DDR2: variants seen among roughly 807,000 people sequenced by gnomAD.
DDR2 encodes the protein discoidin domain receptor tyrosine kinase 2.
DDR2 carries 27 observed loss-of-function variants against 94.9 expected under a neutral mutation model. The ratio of observed to expected loss-of-function variants is 0.28; its 90% CI spans 0.21 to 0.39. DDR2 has a LOEUF of 0.39. Among genes scored for constraint, DDR2 ranks in the 10% least tolerant of loss-of-function variants. The pLI, the probability that DDR2 is intolerant of heterozygous loss-of-function variation, is 1.00. For synonymous variants in DDR2, 382 were observed against 377.2 expected (o/e 1.01, Z -0.15); for missense variants, 783 against 1,076.0 (o/e 0.73, Z 3.81).
At chr1:162,649,972 T>C (rs984758227) in intron 1 of DDR2, among the ~76,000 whole-genome samples, 2 of 152,240 alleles carry the variant, frequency 1.3e-5, no homozygotes, top group Non-Finnish European at 1.5e-5. Context: ...GAACCATTTT[T>C]AAGTTGACCT....
intron 3 of DDR2, among the ~76,000 whole-genome samples, chr1:162,740,488 A>T (rs910181805): frequency 1.3e-5 from 2 of 152,188 alleles, no homozygotes; most frequent in Non-Finnish European, 2.9e-5. Flanking sequence ...TGCATAAACC[A>T]TCATCCCTGC....
intron 1 of DDR2, among the ~76,000 whole-genome samples, chr1:162,652,008 T>A (rs1657716996): frequency 6.6e-6 from 1 of 152,222 alleles, no homozygotes; most frequent in Non-Finnish European, 1.5e-5. Context: ...GGGAAGGGTG[T>A]TATCTTTCCT....
At chr1:162,701,110 G>A (rs1291664919) in intron 2 of DDR2, among the ~76,000 whole-genome samples, 1 of 150,452 alleles carries the variant, frequency 6.6e-6, no homozygotes, top group African/African-American at 2.4e-5. Context: ...ACTAATATAT[G>A]TTTGTAGGTT....
chr1:162,658,155 G>T (rs571134350), intron 2 of DDR2, among the ~76,000 whole-genome samples: 1 of 152,230 alleles, frequency 6.6e-6, no homozygotes, highest in South Asian at 2.1e-4. Context: ...ACAGCAAGTG[G>T]CCTAGGAATG....
At chr1:162,680,644 G>A (rs906159192) in intron 2 of DDR2, among the ~76,000 whole-genome samples, 6 of 152,080 alleles carry the variant, frequency 3.9e-5, no homozygotes, top group Admixed American at 1.3e-4. Context: ...AGTCATCTTT[G>A]GAATGGCATT....
At chr1:162,771,936 T>G in intron 12 of DDR2, 88 bp from the exon 13 acceptor site, 1 of 1,385,006 alleles carries the variant, frequency 7.2e-7, no homozygotes, top group Non-Finnish European at 1.0e-6. Flanking sequence ...CACAGGGGCA[T>G]GTTTTAGCCC....
At chr1:162,631,681 C>G (rs1557993320), upstream of DDR2, among the ~76,000 whole-genome samples, 4 of 152,128 alleles carry the variant, frequency 2.6e-5, no homozygotes, top group South Asian at 8.3e-4. Context: ...AAGGCTCCTC[C>G]CCTGTTGCCT....
At chr1:162,776,110 T>A (rs770356626) in intron 15 of DDR2, 26 bp from the exon 16 acceptor site, 2 of 1,587,596 alleles carry the variant, frequency 1.3e-6, no homozygotes, top group East Asian at 4.5e-5. Context: ...ATAGGCTACC[T>A]TCTGTCTTCT....
At chr1:162,684,853 A>G (rs1659606949) in intron 2 of DDR2, among the ~76,000 whole-genome samples, 1 of 148,246 alleles carries the variant, frequency 6.7e-6, no homozygotes, top group Admixed American at 6.7e-5. Context: ...ACACACACAC[A>G]CATACATGAA....
chr1:162,664,272 T>C (rs1284845300), intron 2 of DDR2, among the ~76,000 whole-genome samples: 3 of 152,176 alleles, frequency 2.0e-5, no homozygotes, highest in Admixed American at 2.0e-4. Flanking sequence ...AACTCCAGAA[T>C]TGTATGTATA....
At chr1:162,711,603 T>C (rs1660918509) in intron 2 of DDR2, among the ~76,000 whole-genome samples, 1 of 152,244 alleles carries the variant, frequency 6.6e-6, no homozygotes, top group Non-Finnish European at 1.5e-5. Context: ...TACTCAAACT[T>C]TCCATTTTGT....
Position 162,772,102 on chromosome 1 carries a change from A to G in DDR2, c.1583A>G (p.Asn528Ser). Residue 528 changes from asparagine (N) to serine (S), a missense_variant, in exon 13 of 18, where the codon AAC (asparagine) becomes AGC (serine). This residue lies in a region of DDR2 where 264 missense variants were observed against 428.2 expected (regional missense o/e 0.62). Coordinates refer to ENST00000367921, the MANE Select transcript of DDR2 (RefSeq NM_006182.4). Reference sequence around the variant, plus strand: ...CACTATGCAGAGGCTGACATAGTGAACCTCCAAGGAGTGACAGGAGGCAAC... The same window carrying G: ...CACTATGCAGAGGCTGACATAGTGAGCCTCCAAGGAGTGACAGGAGGCAAC... ...VPHYAEADIV[N>S]LQGVTGGNTY... The G allele has an allele frequency of 6.2e-7, 1 of 1,614,114 alleles. No individual in the cohort carries two copies. The highest frequency in any genetic ancestry group is 2.2e-5 in the East Asian group (1 of 44,860).
intron 2 of DDR2, among the ~76,000 whole-genome samples, chr1:162,715,297 AATAT>A (rs1301315492): frequency 1.3e-5 from 2 of 152,304 alleles, no homozygotes; most frequent in East Asian, 3.9e-4. Flanking sequence ...CACAGCAATG[AATAT>A]ATAATGAGAA....
At chr1:162,647,998 T>C (rs1657496246) in intron 1 of DDR2, among the ~76,000 whole-genome samples, 6 of 151,838 alleles carry the variant, frequency 4.0e-5, no homozygotes, top group Admixed American at 3.9e-4. Context: ...CAAGATGGAG[T>C]TGCTCTGGTT....
intron 1 of DDR2, among the ~76,000 whole-genome samples, chr1:162,640,499 G>T (rs1030554551): frequency 2.0e-5 from 3 of 152,106 alleles, no homozygotes; most frequent in South Asian, 4.1e-4. Flanking sequence ...GCTTAATTTT[G>T]CTGTGAACCT....
In DDR2 at chr1:162,761,497, T is replaced by C. The variant is rs753553422; in HGVS notation, c.1099+43T>C. 3.7e-6 allele frequency: 6 copies of C among 1,613,852 alleles called. No homozygotes were observed. In the African/African-American group the frequency reaches 4.0e-5, roughly 11 times the overall value. ...TCTTTGGGAAGTGGGAGCAAGGTGA[T>C]GAAGGAGGAATGCACATGCCCAGAA... On this transcript the variant is annotated intron_variant, in intron 9 of 17. Transcript: ENST00000367921.
intron 1 of DDR2, among the ~76,000 whole-genome samples, chr1:162,641,147 C>G (rs1218887044): frequency 2.0e-5 from 3 of 152,180 alleles, no homozygotes; most frequent in Non-Finnish European, 4.4e-5. Flanking sequence ...ACTTTGCCAC[C>G]TACAAGCAGT....
At chr1:162,655,717 A>G (rs1031483746) in intron 2 of DDR2, among the ~76,000 whole-genome samples, 54 of 152,264 alleles carry the variant, frequency 3.5e-4, no homozygotes, top group African/African-American at 1.2e-3. Context: ...TACAGGACCC[A>G]CTGGAATCTG....
chr1:162,660,446 G>C (rs1008580405), intron 2 of DDR2, among the ~76,000 whole-genome samples: 5 of 152,124 alleles, frequency 3.3e-5, no homozygotes, highest in African/African-American at 1.2e-4. Flanking sequence ...TCTAGTGAGA[G>C]CATTGGCATC....
Sources: gnomAD v4.1 joint callset for allele counts (sites outside exome capture counted in the v4.1 genomes callset) on GRCh38, gnomAD v4.1.1 for gene constraint, gnomAD v4.1.1 regional missense constraint, MANE v1.5 for transcripts, NCBI Gene and HGNC (gene_info 2026-07-23, HGNC 2026-07-21) for gene names.